The following PIEZO1 variants were observed in gnomAD, a reference collection of about 807,000 sequenced individuals.
The protein encoded by PIEZO1 is piezo type mechanosensitive ion channel component 1 (Er blood group), also known as piezo-type mechanosensitive ion channel component 1.
PIEZO1 carries 296 observed loss-of-function variants against 297.2 expected under a neutral mutation model. The observed-to-expected ratio is 1.00, with a 90% CI of 0.91 to 1.10. The LOEUF is 1.10. PIEZO1 is among the 50% of genes least tolerant of loss of function. PIEZO1 has a pLI of 0.00. For synonymous variants in PIEZO1, 2,427 were observed against 1,507.5 expected (o/e 1.61, Z -14.13); for missense variants, 5,018 against 3,455.5 (o/e 1.45, Z -11.34).
chr16:88,774,620 G>T (rs1907574536), intron 1 of PIEZO1, among the ~76,000 whole-genome samples: 1 of 152,326 alleles, frequency 6.6e-6, no homozygotes, highest in African/African-American at 2.4e-5. Flanking sequence ...GTCCCAGGAA[G>T]CCTGAAAAGG....
intron 10 of PIEZO1, 40 bp downstream of exon 10, chr16:88,737,519 C>CCCCCGCA (rs763260772): frequency 2.1e-6 from 3 of 1,416,400 alleles, no homozygotes; most frequent in Middle Eastern, 2.4e-4. Context: ...TCCGCCCCGC[C>CCCCCGCA]CCCCGCACCC....
In PIEZO1 at chr16:88,732,672, C is replaced by A. The variant is rs780589295; in HGVS notation, c.2725G>T (p.Gly909Trp). The A allele has an allele frequency of 1.9e-6, 3 of 1,549,682 alleles. No homozygotes were observed. Among genetic ancestry groups the A allele is most frequent in the South Asian group, 2.4e-5 (2 of 84,040 alleles). Residue 909 changes from glycine (G) to tryptophan (W), a missense_variant, in exon 20 of 51, where the codon GGG (glycine) becomes TGG (tryptophan). Coordinates refer to ENST00000301015, the MANE Select transcript of PIEZO1 (RefSeq NM_001142864.4). ...TEISQSLLYR[G>W]PVDPANWFGV... ...AACCAGTTGGCAGGGTCCACGGGCC[C>A]CCGGTACAGCAGGGACTGGCTGATC...
At chr16:88,752,762 C>T (rs949050000) in intron 1 of PIEZO1, among the ~76,000 whole-genome samples, 2 of 151,866 alleles carry the variant, frequency 1.3e-5, no homozygotes, top group Non-Finnish European at 2.9e-5. Flanking sequence ...AGGGGTTCCC[C>T]GGCAGGCCAA....
At chr16:88,722,141 C>G in intron 36 of PIEZO1, 75 bp from the exon 37 acceptor site, 1 of 1,520,914 alleles carries the variant, frequency 6.6e-7, no homozygotes, top group Non-Finnish European at 8.8e-7. Context: ...TTGCCGGTCA[C>G]AGTCAGTCTC....
intron 12 of PIEZO1, among the ~76,000 whole-genome samples, chr16:88,735,755 G>C (rs1452031984): frequency 6.6e-6 from 1 of 152,272 alleles, no homozygotes; most frequent in Non-Finnish European, 1.5e-5. Context: ...TTGTCACTGA[G>C]ACCCAGGGCT....
chr16:88,759,150 G>A (rs927481132), intron 1 of PIEZO1, among the ~76,000 whole-genome samples: 4 of 152,240 alleles, frequency 2.6e-5, no homozygotes, highest in African/African-American at 9.6e-5. Flanking sequence ...AGGGCAGGTC[G>A]CTTGGTCCAA....
Position 88,732,858 on chromosome 16 carries a change from C to A in PIEZO1, c.2665-126G>T, listed in dbSNP as rs911745674. 4 of 994,878 alleles carry A rather than the reference C, an allele frequency of 4.0e-6. No homozygotes were observed. In the African/African-American group the frequency reaches 6.5e-5, roughly 16 times the overall value. The allele number at this position is 994,878 out of a possible 1,614,324, so 61.6% of individuals were successfully genotyped here. On this transcript the variant is annotated intron_variant, in intron 19 of 50. Coordinates refer to ENST00000301015, the MANE Select transcript of PIEZO1 (RefSeq NM_001142864.4). ...TCCCCAGCCAGGGACACGGGGGCTG[C>A]CAGCCTTGGAGCCACCTTCACGGGG...
At chr16:88,769,663 G>C (rs973881858) in intron 1 of PIEZO1, among the ~76,000 whole-genome samples, 10 of 152,224 alleles carry the variant, frequency 6.6e-5, no homozygotes, top group Non-Finnish European at 1.2e-4. Context: ...GCAGGGAGCA[G>C]AGCAGGGAGA....
Position 88,720,830 on chromosome 16 carries a change from C to A in PIEZO1, c.5669-82G>T, listed in dbSNP as rs568137600. On this transcript the variant is annotated intron_variant, in intron 39 of 50. Transcript: ENST00000301015. ...GCTCCTGACCACCCTAAGAGGCTGGCATTCTCCCTGTTTGACAGACAAGCA... is the reference window on the plus strand; with the variant it reads ...GCTCCTGACCACCCTAAGAGGCTGGAATTCTCCCTGTTTGACAGACAAGCA... 69 of 1,380,896 alleles carry A rather than the reference C, an allele frequency of 5.0e-5. No individual in the cohort carries two copies. The African/African-American group carries it at 9.0e-4, about 18-fold the overall frequency. 85.5% of individuals were successfully genotyped at this position (1,380,896 alleles called of 1,614,324 possible).
At position 88,737,960 on chromosome 16, in the gene PIEZO1, G is replaced by A. The variant is rs1452969104; in HGVS notation, c.994C>T (p.Leu332Phe). Residue 332 changes from leucine to phenylalanine, a missense_variant, in exon 8 of 51, where the codon CTC (leucine) becomes TTC (phenylalanine). By Grantham distance (22) the Leu-to-Phe change is conservative. Coordinates refer to ENST00000301015, the MANE Select transcript of PIEZO1 (RefSeq NM_001142864.4). ...LCYATASLRK[L>F]RAYRPSGQRK... ...TGGCCGGAGGGGCGGTACGCGCGGA[G>A]CTTGCGCAGAGAGGCCGTGGCGTAG... The A allele has an allele frequency of 5.9e-6, 9 of 1,533,028 alleles. No homozygotes were observed. Among genetic ancestry groups the A allele is most frequent in the Non-Finnish European group, 7.0e-6 (8 of 1,145,234 alleles). The allele number at this position is 1,533,028 out of a possible 1,614,324, so 95.0% of individuals were successfully genotyped here. A position where few individuals can be genotyped will look rare whatever the true frequency, so the allele number is the denominator to read the frequency against.
chr16:88,722,401 G>C lies in PIEZO1; in HGVS notation c.4776-4C>G, dbSNP rs1406467229. On this transcript the variant is annotated splice_region_variant and splice_polypyrimidine_tract_variant and intron_variant, in intron 35 of 50. Transcript: ENST00000301015. ...TGGCTCCTCCGCGCCCAGCCCACTG[G>C]GGAGGGAAGCCGAGTCACAGAGAAT... 2 of 1,491,152 alleles carry C rather than the reference G, an allele frequency of 1.3e-6. No homozygotes were observed. Among genetic ancestry groups the C allele is most frequent in the South Asian group, 2.7e-5 (2 of 75,466 alleles). 92.4% of individuals were successfully genotyped at this position (1,491,152 alleles called of 1,614,324 possible).
intron 38 of PIEZO1, 49 bp downstream of exon 38, chr16:88,721,489 C>G: frequency 6.5e-7 from 1 of 1,538,180 alleles, no homozygotes; most frequent in Non-Finnish European, 8.8e-7. Context: ...AGCACAGGTG[C>G]CCAGAGGGCC....
intron 1 of PIEZO1, among the ~76,000 whole-genome samples, chr16:88,760,172 T>C (rs1413516777): frequency 6.6e-6 from 1 of 151,714 alleles, no homozygotes; most frequent in Non-Finnish European, 1.5e-5. Context: ...GTGCCCTCAG[T>C]GACAGTGACC....
At chr16:88,731,957 G>GAGGGCGGGGC (rs151293846) in intron 21 of PIEZO1, 47 bp from the exon 22 acceptor site, 3 of 98,632 alleles carry the variant, frequency 3.0e-5, no homozygotes, top group African/African-American at 6.1e-5. Flanking sequence ...GAGTCTGGGG[G>GAGGGCGGGGC]GAGGGACTTT....
In PIEZO1 at chr16:88,747,231, G is replaced by GAA. The variant is rs59177269; in HGVS notation, c.160+2151_160+2152dup. Among the ~76,000 whole-genome samples the GAA allele has an allele frequency of 4.7e-4, 57 of 121,612 alleles. 2 individuals carry two copies. Among genetic ancestry groups the GAA allele is most frequent in the Non-Finnish European group, 5.6e-4 (32 of 57,242 alleles). The allele number at this position is 121,612 out of a possible 152,430, so 79.8% of individuals were successfully genotyped here. ...GGGCAACCAAGCAAGACCCCCACTC[G>GAA]AAAAAAAAAAAAAAAGCCAAGCACG... On this transcript the variant is annotated intron_variant, in intron 2 of 50. Coordinates refer to ENST00000301015, the MANE Select transcript of PIEZO1 (RefSeq NM_001142864.4).
Position 88,734,342 on chromosome 16 carries a change from G to T in PIEZO1, c.2180+14C>A. ...ACACCTCTCCAGGGCCGGACAGGGA[G>T]GGCGGGGCCGCACCTGTGAGCCCAG... is the stretch of plus-strand genomic sequence containing the variant. On this transcript the variant is annotated intron_variant, in intron 16 of 50. Coordinates refer to ENST00000301015, the MANE Select transcript of PIEZO1 (RefSeq NM_001142864.4). 1 of 1,504,804 alleles carries T rather than the reference G, an allele frequency of 6.6e-7. No homozygotes were observed. The highest frequency in any genetic ancestry group is 1.3e-5 in the South Asian group (1 of 77,038). The allele number at this position is 1,504,804 out of a possible 1,614,324, so 93.2% of individuals were successfully genotyped here. A position where few individuals can be genotyped will look rare whatever the true frequency, so the allele number is the denominator to read the frequency against.
chr16:88,732,407 C>G lies in PIEZO1; in HGVS notation c.2919G>C (p.Gln973His). 1 of 1,549,818 alleles carries G rather than the reference C, an allele frequency of 6.5e-7. No homozygotes were observed. Among genetic ancestry groups the G allele is most frequent in the Non-Finnish European group, 8.7e-7 (1 of 1,146,568 alleles). ...AGCCGAGCAGATCCTGGTCCAGCTG[C>G]TGGCGGGTGCCGCTGGCAAACACGG... ...AQAVFASGTR[Q>H]QLDQDLLGCL... Residue 973 changes from glutamine (Q) to histidine (H), a missense_variant, in exon 21 of 51, where the codon CAG (glutamine) becomes CAC (histidine). By Grantham distance (24) the Gln-to-His change is conservative (BLOSUM62 0). Coordinates refer to ENST00000301015, the MANE Select transcript of PIEZO1 (RefSeq NM_001142864.4).
intron 12 of PIEZO1, among the ~76,000 whole-genome samples, chr16:88,735,670 A>G (rs536686706): frequency 6.6e-6 from 1 of 152,264 alleles, no homozygotes; most frequent in Non-Finnish European, 1.5e-5. Flanking sequence ...GCCTGCAAAC[A>G]GGTGTCCAGA....
Position 88,726,660 on chromosome 16 carries a change from T to TCAGCAGGGC in PIEZO1, c.3700-18_3700-17insGCCCTGCTG, listed in dbSNP as rs1555553952. On this transcript the variant is annotated splice_polypyrimidine_tract_variant and intron_variant, in intron 25 of 50. Transcript: ENST00000301015. The stretch of plus-strand genomic sequence containing the variant: ...GGCCAGGAGCTGGGGGAGAGCAGGG[T>TCAGCAGGGC]CAGCGGGGCCAGCGGGGCCCCAGGG... 1.7e-3 allele frequency: 2,449 copies of TCAGCAGGGC among 1,471,272 alleles called. 3 individuals carry two copies. The highest frequency in any genetic ancestry group is 2.1e-3 in the Non-Finnish European group (2,295 of 1,098,924). The allele number at this position is 1,471,272 out of a possible 1,614,324, so 91.1% of individuals were successfully genotyped here.
Sources: gnomAD v4.1 joint callset for allele counts (sites outside exome capture counted in the v4.1 genomes callset) on GRCh38, gnomAD v4.1.1 for gene constraint, MANE v1.5 for transcripts, NCBI Gene and HGNC (gene_info 2026-07-23, HGNC 2026-07-21) for gene names.